HERC2: variants seen among roughly 807,000 people sequenced by gnomAD.
HERC2 encodes the protein E3 ubiquitin-protein ligase HERC2.
In HERC2, 102 loss-of-function variants were observed where a neutral mutation model predicts 537.7. The ratio of observed to expected loss-of-function variants is 0.19; its 90% CI spans 0.16 to 0.22. HERC2 has a LOEUF of 0.22. Ranked by LOEUF, HERC2 falls within the 10% of genes least tolerant of loss-of-function variation. HERC2 has a pLI of 1.00. For missense variants in HERC2, 4,236 were observed against 6,198.2 expected, an observed-to-expected ratio of 0.68 and a Z score of 10.63; for synonymous variants, 2,224 against 2,466.2, an observed-to-expected ratio of 0.90 and a Z score of 2.91.
chr15:28,212,007 G>A (rs994648675), intron 43 of HERC2, among the ~76,000 whole-genome samples: 1 of 152,176 alleles, frequency 6.6e-6, no homozygotes, highest in Non-Finnish European at 1.5e-5. Context: ...AGCCAAGCCA[G>A]GCTACAGTCA....
At chr15:28,145,269 T>A (rs1305331490) in intron 71 of HERC2, among the ~76,000 whole-genome samples, 1 of 152,150 alleles carries the variant, frequency 6.6e-6, no homozygotes. Flanking sequence ...CGGCCCAGAG[T>A]AGGCCGCCCT....
chr15:28,230,736 G>A (rs1370535364), intron 30 of HERC2, among the ~76,000 whole-genome samples: 1 of 151,716 alleles, frequency 6.6e-6, no homozygotes, highest in African/African-American at 2.4e-5. Context: ...CCGGCAGCCA[G>A]CAAGCTCTTC....
At chr15:28,152,647 G>A (rs1157655081) in intron 70 of HERC2, 30 bp downstream of exon 70, 2 of 1,512,964 alleles carry the variant, frequency 1.3e-6, no homozygotes, top group Non-Finnish European at 1.8e-6. Context: ...GGGAAAGGCT[G>A]CAGCTCCCCG....
intron 5 of HERC2, among the ~76,000 whole-genome samples, chr15:28,276,047 T>C (rs2141021178): frequency 6.6e-6 from 1 of 150,606 alleles, no homozygotes; most frequent in East Asian, 2.0e-4. Context: ...ATTAGCCAGG[T>C]GTGGTGACGG....
At chr15:28,296,346 T>C (rs558372690) in intron 3 of HERC2, among the ~76,000 whole-genome samples, 10 of 152,040 alleles carry the variant, frequency 6.6e-5, no homozygotes, top group Admixed American at 1.3e-4. Flanking sequence ...TGGTGGAGGG[T>C]GCCTGTAATC....
intron 2 of HERC2, among the ~76,000 whole-genome samples, chr15:28,308,579 G>C (rs916960381): frequency 2.0e-5 from 3 of 152,160 alleles, no homozygotes; most frequent in African/African-American, 7.2e-5. Context: ...AGAACTTCCA[G>C]TACTATGTTG....
intron 2 of HERC2, among the ~76,000 whole-genome samples, chr15:28,307,664 C>T (rs960036090): frequency 1.3e-5 from 2 of 152,128 alleles, no homozygotes; most frequent in African/African-American, 2.4e-5. Context: ...CAAAATTCCT[C>T]GTTATCAATT....
rs765161019 is a variant in HERC2, at chr15:28,220,511, G to C, written c.5786C>G (p.Ala1929Gly). ...GKEGKYDLKL[A>G]ELPAAAQPSA... ...GGGCTGTGCAGCAGCCGGCAGCTCT[G>C]CCAGCTTGAGGTCGTATTTTCCTTC... Residue 1929 changes from alanine (A) to glycine (G), a missense_variant, in exon 37 of 93, where the codon GCA becomes GGA. By Grantham distance (60) the Ala-to-Gly change is moderately conservative (BLOSUM62 0). This residue lies in a region of HERC2 where 365 missense variants were observed against 468.8 expected (regional missense o/e 0.78). Coordinates refer to ENST00000261609, the MANE Select transcript of HERC2 (RefSeq NM_004667.6). The C allele has an allele frequency of 9.4e-6, 15 of 1,603,084 alleles. No individual in the cohort carries two copies. The highest frequency in any genetic ancestry group is 1.3e-5 in the Non-Finnish European group (15 of 1,179,812).
At chr15:28,204,463 T>C (rs1403769525) in intron 45 of HERC2, among the ~76,000 whole-genome samples, 1 of 151,694 alleles carries the variant, frequency 6.6e-6, no homozygotes. Context: ...CTACTAAATA[T>C]ACAAAAATTA....
At position 28,213,956 on chromosome 15, in the gene HERC2, T is replaced by C. The variant is rs771003678; in HGVS notation, c.6572A>G (p.Tyr2191Cys). 2 of 1,613,896 alleles carry C rather than the reference T, an allele frequency of 1.2e-6. No homozygotes were observed. Among genetic ancestry groups the C allele is most frequent in the Non-Finnish European group, 1.7e-6 (2 of 1,179,874 alleles). Residue 2191 changes from tyrosine to cysteine, a missense_variant, in exon 42 of 93, where the codon TAC becomes TGC. Tyr to Cys is a radical substitution (Grantham distance 194). Around this residue, in one of 27 missense-constraint regions of HERC2, gnomAD observed 365 missense variants for 468.8 expected, o/e 0.78. Transcript: ENST00000261609. ...RPSEGAQLED[Y>C]FPDSENPEVG... ...TTCAGGGTTCTCGGAGTCGGGGAAG[T>C]AGTCCTCTAACTGGGCCTAGTGCAG...
intron 77 of HERC2, 47 bp downstream of exon 77, chr15:28,141,684 C>A: frequency 6.2e-7 from 1 of 1,609,670 alleles, no homozygotes; most frequent in Non-Finnish European, 8.5e-7. Context: ...TGCACACAGC[C>A]TCTCACACTC....
rs182260846 is a variant in HERC2, at chr15:28,270,289, T to C, written c.1257+406A>G. ...GATAGACAGACAGACAGACATGTAA[T>C]ATAGATATATAATATATAATATATA... On this transcript the variant is annotated intron_variant, in intron 10 of 92. Coordinates refer to ENST00000261609, the MANE Select transcript of HERC2 (RefSeq NM_004667.6). 5.0e-4 allele frequency among the ~76,000 whole-genome samples: 76 copies of C among 151,078 alleles called. No homozygotes were observed. The East Asian group carries it at 0.01, about 20-fold the overall frequency.
intron 2 of HERC2, among the ~76,000 whole-genome samples, chr15:28,306,702 G>A (rs2076798649): frequency 6.6e-6 from 1 of 152,090 alleles, no homozygotes; most frequent in African/African-American, 2.4e-5. Context: ...CAGGTCCTGG[G>A]GTTTTTCTTT....
intron 70 of HERC2, among the ~76,000 whole-genome samples, chr15:28,151,696 C>G (rs1241418700): frequency 1.3e-5 from 2 of 151,836 alleles, no homozygotes; most frequent in Non-Finnish European, 2.9e-5. Flanking sequence ...AGGATAATCT[C>G]AGCTTCAACA....
chr15:28,257,447 T>C (rs1278061444), intron 16 of HERC2, among the ~76,000 whole-genome samples, 186 bp from the exon 17 acceptor site: 3 of 136,250 alleles, frequency 2.2e-5, no homozygotes, highest in African/African-American at 1.1e-4. Flanking sequence ...TTCCCACCCA[T>C]TTCACTAGCC....
In HERC2 at chr15:28,177,422, C is replaced by G. The variant is rs1248487294; in HGVS notation, c.9251G>C (p.Arg3084Thr). The G allele has an allele frequency of 2.5e-6, 4 of 1,613,872 alleles. No homozygotes were observed. The highest frequency in any genetic ancestry group is 3.4e-6 in the Non-Finnish European group (4 of 1,179,810). Residue 3084 changes from arginine to threonine, a missense_variant, in exon 60 of 93, where the codon AGA becomes ACA. Arg to Thr is a moderately conservative substitution (Grantham distance 71). Transcript: ENST00000261609. The surrounding 1 kb of genome is among the most constrained non-coding windows in gnomAD (Gnocchi z 5.0). ...AGACTAAAAAAAGTACCCTTACATT[C>G]TGCTGAAGTGTCCAAGTTTTCCATC... Reference protein sequence around the residue: ...GDDGKLGHFSRMNCDKPRLIE... With the variant: ...GDDGKLGHFSTMNCDKPRLIE...
chr15:28,297,435 A>C (rs1405304928), intron 3 of HERC2, among the ~76,000 whole-genome samples: 1 of 152,156 alleles, frequency 6.6e-6, no homozygotes, highest in East Asian at 1.9e-4. Flanking sequence ...TTAAAGAAAA[A>C]AAAAACACTA....
chr15:28,154,819 G>A (rs998636106), intron 69 of HERC2, among the ~76,000 whole-genome samples: 2 of 151,990 alleles, frequency 1.3e-5, no homozygotes, highest in Admixed American at 1.3e-4. Flanking sequence ...ACAACGTGCA[G>A]GTTTGTTACA....
chr15:28,146,612 C>T (rs1312492466), intron 70 of HERC2, among the ~76,000 whole-genome samples: 14,935 of 97,354 alleles, frequency 0.15, 460 homozygotes, highest in Admixed American at 0.25. Flanking sequence ...CTACTGCAAC[C>T]ACACTCCCCT....
Sources: gnomAD v4.1 joint callset for allele counts (sites outside exome capture counted in the v4.1 genomes callset) on GRCh38, gnomAD v4.1.1 for gene constraint, gnomAD v4.1.1 regional missense constraint, Gnocchi (gnomAD v3.1) non-coding constraint, MANE v1.5 for transcripts, NCBI Gene and HGNC (gene_info 2026-07-23, HGNC 2026-07-21) for gene names.